Variants in RASGRF2 observed in about 807,000 individuals in gnomAD.
The protein encoded by RASGRF2 is ras-specific guanine nucleotide-releasing factor 2.
Under a neutral mutation model 151.0 loss-of-function variants are expected in RASGRF2, and 76 were observed. That is an observed-to-expected ratio of 0.50 (90% CI 0.42 to 0.61). The LOEUF (loss-of-function observed/expected upper bound fraction) is 0.61. RASGRF2 is among the 20% of genes least tolerant of loss of function. RASGRF2 has a pLI of 0.00. For synonymous variants in RASGRF2, 504 were observed against 566.5 expected (o/e 0.89, Z 1.57); for missense variants, 1,148 against 1,564.6 (o/e 0.73, Z 4.49).
At chr5:81,012,197 C>T (rs503363) in intron 1 of RASGRF2, among the ~76,000 whole-genome samples, 35,811 of 152,160 alleles carry the variant, frequency 0.24, 4,868 homozygotes, top group Middle Eastern at 0.46. Context: ...CCTTTATACT[C>T]TCTGTCTGTA....
intron 18 of RASGRF2, among the ~76,000 whole-genome samples, chr5:81,198,121 A>G (rs891949294): frequency 6.7e-6 from 1 of 149,606 alleles, no homozygotes; most frequent in Non-Finnish European, 1.5e-5. Flanking sequence ...AAAACCTGTT[A>G]TTTTTTTTTT....
rs554986558 is a variant in RASGRF2 at position 81,195,270 on chromosome 5, C to T, written c.2794-6060C>T. 2.6e-5 allele frequency among the ~76,000 whole-genome samples: 4 copies of T among 152,078 alleles called. No individual in the cohort carries two copies. The South Asian group carries it at 8.3e-4, about 32-fold the overall frequency. ...CGATTGCTGCCTCCGAGAAGGCGCT[C>T]GGGTACGTCTTATTCCACCGTTTCA... On this transcript the variant is annotated intron_variant, in intron 18 of 26. Transcript: ENST00000265080.
intron 17 of RASGRF2, among the ~76,000 whole-genome samples, chr5:81,148,543 T>A (rs1416479873): frequency 1.3e-5 from 2 of 152,160 alleles, no homozygotes; most frequent in Non-Finnish European, 2.9e-5. Flanking sequence ...TCATAAACAT[T>A]GCTTCAGCTA....
At chr5:81,038,123 G>A (rs1750562180) in intron 1 of RASGRF2, among the ~76,000 whole-genome samples, 2 of 152,150 alleles carry the variant, frequency 1.3e-5, no homozygotes, top group African/African-American at 4.8e-5. Flanking sequence ...CCTTTCTCCT[G>A]TTGGTGGACA....
intron 2 of RASGRF2, among the ~76,000 whole-genome samples, chr5:81,055,562 TC>T (rs1355353835): frequency 6.6e-6 from 1 of 152,240 alleles, no homozygotes; most frequent in Non-Finnish European, 1.5e-5. Flanking sequence ...GCATCGATGT[TC>T]ATCAGGGATA....
At chr5:81,172,890 C>G (rs191251306) in intron 17 of RASGRF2, among the ~76,000 whole-genome samples, 1 of 152,166 alleles carries the variant, frequency 6.6e-6, no homozygotes, top group African/African-American at 2.4e-5. Flanking sequence ...ACTAGCAAAG[C>G]CTTACCCATC....
intron 2 of RASGRF2, among the ~76,000 whole-genome samples, chr5:81,056,252 C>G (rs1177127251): frequency 6.6e-6 from 1 of 152,158 alleles, no homozygotes; most frequent in Admixed American, 6.5e-5. Flanking sequence ...CCTGCTTTCT[C>G]TTGTGGGCAT....
At chr5:81,061,048 GT>G (rs1016614900) in intron 2 of RASGRF2, among the ~76,000 whole-genome samples, 16 of 147,014 alleles carry the variant, frequency 1.1e-4, no homozygotes, top group South Asian at 4.3e-4. Context: ...TCAATTTCTT[GT>G]TTTTTTTTCT....
chr5:81,217,535 A>T, intron 25 of RASGRF2, 62 bp downstream of exon 25: 1 of 1,160,540 alleles, frequency 8.6e-7, no homozygotes, highest in South Asian at 2.4e-5. Context: ...AGAAGAGGCT[A>T]AGTAATAAAA....
At chr5:81,140,413 C>A (rs1753856690) in intron 17 of RASGRF2, among the ~76,000 whole-genome samples, 1 of 137,190 alleles carries the variant, frequency 7.3e-6, no homozygotes, top group African/African-American at 3.2e-5. Context: ...TATTTTTAAA[C>A]ACACACACAC....
At chr5:81,068,504 A>C (rs1284189140) in intron 3 of RASGRF2, among the ~76,000 whole-genome samples, 1 of 152,092 alleles carries the variant, frequency 6.6e-6, no homozygotes, top group Non-Finnish European at 1.5e-5. Flanking sequence ...CCCTACAGTA[A>C]TGATAATTAT....
At position 81,116,066 on chromosome 5, in the gene RASGRF2, CTTTTTTTTTTTTT is replaced by C. The variant is rs575647502; in HGVS notation, c.2470+2168_2470+2180del. ...TAATCACTAGTGGTGAATGCCATTT[CTTTTTTTTTTTTT>C]TTTTTTTTTTTTTTTTTTTTTGAGA... is the stretch of plus-strand genomic sequence containing the variant. On this transcript the variant is annotated intron_variant, in intron 15 of 26. Transcript: ENST00000265080. Among the ~76,000 whole-genome samples the C allele has an allele frequency of 1.9e-3, 93 of 49,060 alleles. No individual in the cohort carries two copies. The East Asian group carries it at 0.023, about 12-fold the overall frequency. 32.2% of individuals were successfully genotyped at this position (49,060 alleles called of 152,430 possible).
At chr5:81,160,603 C>T (rs1248611795) in intron 17 of RASGRF2, among the ~76,000 whole-genome samples, 9 of 150,996 alleles carry the variant, frequency 6.0e-5, no homozygotes, top group African/African-American at 1.5e-4. Context: ...ACCTGGGAGG[C>T]GGAGGTTGCA....
chr5:81,152,118 C>T (rs1431329662), intron 17 of RASGRF2, among the ~76,000 whole-genome samples: 2 of 152,160 alleles, frequency 1.3e-5, no homozygotes, highest in Admixed American at 1.3e-4. Flanking sequence ...TCTCCCATCT[C>T]AGCCTCCAGA....
chr5:81,132,605 C>T (rs570876942), intron 17 of RASGRF2, among the ~76,000 whole-genome samples: 2 of 152,256 alleles, frequency 1.3e-5, no homozygotes, highest in South Asian at 4.2e-4. Flanking sequence ...ATTGGAAAGT[C>T]CTTGAGATAT....
intron 17 of RASGRF2, among the ~76,000 whole-genome samples, chr5:81,144,994 C>T (rs960194253): frequency 2.0e-5 from 3 of 152,122 alleles, no homozygotes; most frequent in Admixed American, 2.0e-4. Context: ...AATCCCAGCA[C>T]TTTGGGAGGC....
chr5:80,977,166 C>T (rs935462006), intron 1 of RASGRF2, among the ~76,000 whole-genome samples: 5 of 152,116 alleles, frequency 3.3e-5, no homozygotes, highest in Non-Finnish European at 5.9e-5. Flanking sequence ...TGAGCAGAGT[C>T]CATCCTCCTT....
chr5:80,964,276 T>C (rs1281927023), intron 1 of RASGRF2, among the ~76,000 whole-genome samples: 1 of 152,196 alleles, frequency 6.6e-6, no homozygotes. Context: ...AAAAGTGTTG[T>C]TCCTTTTCTT....
chr5:81,022,877 C>T (rs927920773), intron 1 of RASGRF2, among the ~76,000 whole-genome samples: 2 of 152,126 alleles, frequency 1.3e-5, no homozygotes, highest in Admixed American at 6.5e-5. Flanking sequence ...CAAAGGGTTG[C>T]GTCAGTGGGT....
Sources: gnomAD v4.1 joint callset for allele counts (sites outside exome capture counted in the v4.1 genomes callset) on GRCh38, gnomAD v4.1.1 for gene constraint, MANE v1.5 for transcripts, NCBI Gene and HGNC (gene_info 2026-07-23, HGNC 2026-07-21) for gene names.